TLR3: variants seen among roughly 807,000 people sequenced by gnomAD.
The protein encoded by TLR3 is toll like receptor 3, also known as toll-like receptor 3.
Under a neutral mutation model 66.4 loss-of-function variants are expected in TLR3, and 43 were observed. The observed-to-expected ratio is 0.65, with a 90% CI of 0.51 to 0.83. The LOEUF is 0.83. TLR3 is among the 40% of genes least tolerant of loss of function. The pLI, the probability that TLR3 is intolerant of heterozygous loss-of-function variation, is 0.00. For synonymous variants in TLR3, 397 were observed against 397.2 expected (o/e 1.00, Z 0.01); for missense variants, 982 against 1,044.6 (o/e 0.94, Z 0.83).
chr4:186,082,299 C>CTT (rs746858510), intron 3 of TLR3, 21 bp from the exon 4 acceptor site: 3 of 1,404,298 alleles, frequency 2.1e-6, no homozygotes, highest in Middle Eastern at 2.0e-4. Flanking sequence ...TTGTTAACCT[C>CTT]TTTTTTTTTC....
chr4:186,069,464 C>A (rs1443817778), intron 1 of TLR3, among the ~76,000 whole-genome samples: 1 of 152,124 alleles, frequency 6.6e-6, no homozygotes, highest in African/African-American at 2.4e-5. Context: ...GTAATAGCAC[C>A]AATATCTAGT....
rs1452348154 is a variant in TLR3, at chr4:186,085,342, G to GGAAA, written c.*470_*473dup. 1 of 156,036 alleles carries GGAAA rather than the reference G, an allele frequency of 6.4e-6. No homozygotes were observed. Among genetic ancestry groups the GGAAA allele is most frequent in the Non-Finnish European group, 1.4e-5 (1 of 70,664 alleles). 9.7% of individuals were successfully genotyped at this position (156,036 alleles called of 1,614,324 possible). ...AGTTTAATTACAGTATTTTTTCAAT[G>GGAAA]GAAAAACTTTGTATTTTAGTAAGTA... is the stretch of plus-strand genomic sequence containing the variant. On this transcript the variant is annotated 3_prime_UTR_variant, in exon 5 of 5. Transcript: ENST00000296795.
intron 2 of TLR3, among the ~76,000 whole-genome samples, chr4:186,077,603 TTTTC>T (rs1054538376): frequency 7.9e-5 from 12 of 152,162 alleles, no homozygotes; most frequent in Non-Finnish European, 7.4e-5. Context: ...GTTTTTTTTC[TTTTC>T]TTTTTAGTTG....
chr4:186,072,209 T>G (rs774479598), intron 1 of TLR3, among the ~76,000 whole-genome samples: 2 of 152,148 alleles, frequency 1.3e-5, no homozygotes, highest in African/African-American at 4.8e-5. Flanking sequence ...CTCAAGGAGC[T>G]TTCACCCACC....
chr4:186,071,367 C>T (rs1337943342), intron 1 of TLR3, among the ~76,000 whole-genome samples: 1 of 152,190 alleles, frequency 6.6e-6, no homozygotes, highest in Non-Finnish European at 1.5e-5. Context: ...CTCACCTAAG[C>T]AAGGAGAATG....
At position 186,082,860 on chromosome 4, in the gene TLR3, A is replaced by G; in HGVS notation, c.1174A>G (p.Ser392Gly). The change falls in exon 4 of 5, where the codon AGT becomes GGT. Residue 392 changes from serine (S) to glycine (G), a missense_variant. Physicochemically the swap from Ser to Gly is moderately conservative, Grantham distance 56. This residue lies in a region of TLR3 where 666 missense variants were observed against 709.0 expected (regional missense o/e 0.94). Transcript: ENST00000296795. ...CTTAAGTCTATCCAACTCCTTTACA[A>G]GTTTGCGAACTTTGACAAATGAAAC... ...KYLSLSNSFT[S>G]LRTLTNETFV... is the part of the protein sequence containing the mutation. 1 of 1,613,670 alleles carries G rather than the reference A, an allele frequency of 6.2e-7. No homozygotes were observed. The highest frequency in any genetic ancestry group is 1.1e-5 in the South Asian group (1 of 91,046).
intron 1 of TLR3, among the ~76,000 whole-genome samples, chr4:186,075,046 T>C (rs1341269677): frequency 6.6e-6 from 1 of 152,078 alleles, no homozygotes; most frequent in Non-Finnish European, 1.5e-5. Context: ...AAAAAATTAG[T>C]AGAAGGAGTA....
At chr4:186,078,049 T>C (rs1260021824) in intron 2 of TLR3, among the ~76,000 whole-genome samples, 1 of 152,196 alleles carries the variant, frequency 6.6e-6, no homozygotes, top group African/African-American at 2.4e-5. Context: ...TTGGGTCTTC[T>C]TAGAGTCTAA....
chr4:186,070,929 C>T (rs1032655658), intron 1 of TLR3, among the ~76,000 whole-genome samples: 2 of 152,164 alleles, frequency 1.3e-5, no homozygotes, highest in Non-Finnish European at 2.9e-5. Flanking sequence ...TGGTGTTGAG[C>T]TCCTGATCTC....
At chr4:186,078,146 T>TA (rs1212064202) in intron 2 of TLR3, among the ~76,000 whole-genome samples, 3 of 152,292 alleles carry the variant, frequency 2.0e-5, no homozygotes, top group African/African-American at 7.2e-5. Context: ...AGACTTAAAT[T>TA]AAAAAACCTG....
intron 3 of TLR3, 30 bp from the exon 4 acceptor site, chr4:186,082,290 T>G (rs776984468): frequency 5.0e-6 from 8 of 1,596,740 alleles, no homozygotes; most frequent in Admixed American, 1.7e-5. Flanking sequence ...TTCTTTTGAT[T>G]GTTAACCTCT....
Position 186,079,011 on chromosome 4 carries a change from T to A in TLR3, c.613T>A (p.Ser205Thr), listed in dbSNP as rs749906306. 6.2e-7 allele frequency: 1 copy of A among 1,613,756 alleles called. No homozygotes were observed. Among genetic ancestry groups the A allele is most frequent in the East Asian group, 2.2e-5 (1 of 44,860 alleles). Residue 205 changes from serine to threonine, a missense_variant, in exon 3 of 5, where the codon TCA (serine) becomes ACA (threonine). Physicochemically the swap from Ser to Thr is moderately conservative, Grantham distance 58. Transcript: ENST00000296795. ...TTCATCTTTAAAAAAATTAGAGTTG[T>A]CATCGAATCAAATTAAAGAGGTAAG... Reference protein sequence around the residue: ...ANSSLKKLELSSNQIKEFSPG... With the variant: ...ANSSLKKLELTSNQIKEFSPG...
Position 186,076,487 on chromosome 4 carries a change from A to C in TLR3, c.-7-126A>C, listed in dbSNP as rs780857753. 7.6e-6 allele frequency: 7 copies of C among 919,768 alleles called. No individual in the cohort carries two copies. The Admixed American group carries it at 7.8e-5, about 10-fold the overall frequency. The allele number at this position is 919,768 out of a possible 1,614,324, so 57.0% of individuals were successfully genotyped here. ...TATAATATGTACTTGTATGGCATAAAACTATGAGTAATAACATCATACATG... is the reference window on the plus strand; with the variant it reads ...TATAATATGTACTTGTATGGCATAACACTATGAGTAATAACATCATACATG... On this transcript the variant is annotated intron_variant, in intron 1 of 4. Coordinates refer to ENST00000296795, the MANE Select transcript of TLR3 (RefSeq NM_003265.3).
chr4:186,082,224 C>CGAAAAA, intron 3 of TLR3, 96 bp from the exon 4 acceptor site: 1 of 378,454 alleles, frequency 2.6e-6, no homozygotes, highest in Non-Finnish European at 4.3e-6. Flanking sequence ...GACTCCGTCT[C>CGAAAAA]AAAAAAAAAA....
At chr4:186,070,882 T>C (rs1244548889) in intron 1 of TLR3, among the ~76,000 whole-genome samples, 1 of 151,976 alleles carries the variant, frequency 6.6e-6, no homozygotes, top group Non-Finnish European at 1.5e-5. Context: ...TTCTAAAATA[T>C]TTTTGTAGAT....
rs545122782 is a variant in TLR3, at chr4:186,078,953, G to A, written c.555G>A (p.Ala185=). The A allele has an allele frequency of 3.9e-5, 63 of 1,613,586 alleles. 2 individuals are homozygous for A. The highest frequency in any genetic ancestry group is 1.6e-4 in the South Asian group (15 of 90,920). ...TATTATCAAACAATAAAATTCAAGC[G>A]CTAAAAAGTGAAGAACTGGATATCT... ...ELLLSNNKIQ[A]LKSEELDIFA... The change falls in exon 3 of 5, where the codon GCG becomes GCA. Residue 185 remains alanine, a synonymous_variant. Coordinates refer to ENST00000296795, the MANE Select transcript of TLR3 (RefSeq NM_003265.3).
intron 1 of TLR3, among the ~76,000 whole-genome samples, chr4:186,071,359 C>A (rs1421909667): frequency 6.6e-6 from 1 of 152,214 alleles, no homozygotes; most frequent in African/African-American, 2.4e-5. Context: ...GGGTACATCT[C>A]ACCTAAGCAA....
At chr4:186,074,503 G>A (rs1366334107) in intron 1 of TLR3, among the ~76,000 whole-genome samples, 1 of 152,224 alleles carries the variant, frequency 6.6e-6, no homozygotes, top group Non-Finnish European at 1.5e-5. Flanking sequence ...GTGGCTCTGG[G>A]TGAGTCTGTG....
intron 1 of TLR3, among the ~76,000 whole-genome samples, chr4:186,072,430 G>A (rs961242105): frequency 5.9e-5 from 9 of 151,928 alleles, no homozygotes; most frequent in Non-Finnish European, 8.8e-5. Flanking sequence ...CTCCTGCCTC[G>A]GCCTTCCCAG....
Sources: allele counts gnomAD v4.1 joint callset (sites outside exome capture counted in the v4.1 genomes callset), GRCh38; gene constraint gnomAD v4.1.1; regional missense constraint gnomAD v4.1.1; transcripts MANE v1.5; gene names NCBI Gene and HGNC (gene_info 2026-07-23, HGNC 2026-07-21).